The following NR5A2 variants were observed in gnomAD, a reference collection of about 807,000 sequenced individuals.
NR5A2 encodes CYP7A promoter-binding factor.
A neutral mutation model predicts 62.7 loss-of-function variants in NR5A2; 26 were observed. That is an observed-to-expected ratio of 0.41 (90% CI 0.30 to 0.58). The LOEUF (loss-of-function observed/expected upper bound fraction) is 0.58. Ranked by LOEUF, NR5A2 falls within the 20% of genes least tolerant of loss-of-function variation. NR5A2 has a pLI of 0.22. For synonymous variants in NR5A2, 246 were observed against 241.7 expected (o/e 1.02, Z -0.16); for missense variants, 541 against 669.1 (o/e 0.81, Z 2.11).
intron 5 of NR5A2, among the ~76,000 whole-genome samples, chr1:200,060,083 G>T (rs1433669362): frequency 6.6e-6 from 1 of 152,086 alleles, no homozygotes; most frequent in East Asian, 1.9e-4. Context: ...GCCCTGGCTG[G>T]CTTCATGGGG....
Position 200,148,502 on chromosome 1 carries a change from A to G in NR5A2, c.1379-25461A>G, listed in dbSNP as rs3790797. Among the ~76,000 whole-genome samples, 16 of 152,242 alleles carry G rather than the reference A, an allele frequency of 1.1e-4. No individual in the cohort carries two copies. The East Asian group carries it at 2.5e-3, about 24-fold the overall frequency. On this transcript the variant is annotated intron_variant, in intron 7 of 7. Transcript: ENST00000367362. Reference sequence around the variant, plus strand: ...CAGCAACTCGCCCACTCTCCCCCCAATAATCTCACAAACTCAGACTCTAGA... The same window carrying G: ...CAGCAACTCGCCCACTCTCCCCCCAGTAATCTCACAAACTCAGACTCTAGA...
intron 7 of NR5A2, among the ~76,000 whole-genome samples, chr1:200,153,916 A>G (rs1285315369): frequency 6.6e-6 from 1 of 152,198 alleles, no homozygotes. Flanking sequence ...ATCATGTAAG[A>G]TTTGAATTTT....
intron 5 of NR5A2, among the ~76,000 whole-genome samples, chr1:200,075,896 CTTTT>C (rs1553268806): frequency 1.3e-5 from 2 of 149,208 alleles, no homozygotes; most frequent in African/African-American, 4.9e-5. Flanking sequence ...GTTTTCTTTT[CTTTT>C]TTTTTTGTTA....
rs138460724 is a variant in NR5A2, at chr1:200,101,847, A to T, written c.1111-9355A>T. Among the ~76,000 whole-genome samples, 805 of 152,334 alleles carry T rather than the reference A, an allele frequency of 5.3e-3. 8 individuals carry two copies. Among genetic ancestry groups the T allele is most frequent in the Non-Finnish European group, 8.4e-3 (569 of 68,034 alleles). On this transcript the variant is annotated intron_variant, in intron 5 of 7. Transcript: ENST00000367362. ...ACAAGAAGCTTTTTGAAACGTGGTTAAGAGGAAGAATAAAAGCTGGCCAAA... is the reference window on the plus strand; with the variant it reads ...ACAAGAAGCTTTTTGAAACGTGGTTTAGAGGAAGAATAAAAGCTGGCCAAA...
rs77269327 is a variant in NR5A2, at chr1:200,170,988, G to A, written c.1379-2975G>A. ...CAATAATGTGAAGCAAGGAGTTACCGGTGTATTCCCTGGGGATGGCTGAAC... is the reference window on the plus strand; with the variant it reads ...CAATAATGTGAAGCAAGGAGTTACCAGTGTATTCCCTGGGGATGGCTGAAC... On this transcript the variant is annotated intron_variant, in intron 7 of 7. Transcript: ENST00000367362. 1.2e-4 allele frequency among the ~76,000 whole-genome samples: 19 copies of A among 152,226 alleles called. No homozygotes were observed. In the East Asian group the frequency reaches 2.5e-3, roughly 20 times the overall value.
At chr1:200,055,287 C>T (rs1030192851) in intron 5 of NR5A2, among the ~76,000 whole-genome samples, 1 of 152,046 alleles carries the variant, frequency 6.6e-6, no homozygotes, top group East Asian at 1.9e-4. Flanking sequence ...CCTCCACCTC[C>T]CAGGTTCAAG....
intron 1 of NR5A2, chr1:200,038,791 T>G: frequency 1.5e-6 from 2 of 1,314,792 alleles, no homozygotes; most frequent in Non-Finnish European, 2.0e-6. Context: ...CGGCTGCATT[T>G]ACATCCCCCC....
chr1:200,148,057 T>C (rs1667798736), intron 7 of NR5A2: 1 of 297,018 alleles, frequency 3.4e-6, no homozygotes, highest in Non-Finnish European at 6.6e-6. Flanking sequence ...ACGGTCCCCA[T>C]GCAGTCGGGG....
chr1:200,145,648 G>T (rs1667667826), intron 7 of NR5A2, among the ~76,000 whole-genome samples: 1 of 152,098 alleles, frequency 6.6e-6, no homozygotes, highest in Non-Finnish European at 1.5e-5. Flanking sequence ...TTTTTTAAAG[G>T]CAGGGTCTTG....
intron 5 of NR5A2, among the ~76,000 whole-genome samples, chr1:200,074,788 ATTTTTTTTTTTT>A (rs1558122919): frequency 1.3e-4 from 17 of 133,570 alleles, no homozygotes; most frequent in East Asian, 2.3e-4. Context: ...AAACACTTTA[ATTTTTTTTTTTT>A]AAATCACTAT....
At chr1:200,052,759 A>G (rs1221621318) in intron 5 of NR5A2, among the ~76,000 whole-genome samples, 1 of 151,782 alleles carries the variant, frequency 6.6e-6, no homozygotes, top group Non-Finnish European at 1.5e-5. Flanking sequence ...CTCCTGCCTC[A>G]GCCTCCTGAG....
chr1:200,118,018 T>C (rs1240039348), intron 6 of NR5A2, among the ~76,000 whole-genome samples: 1 of 85,996 alleles, frequency 1.2e-5, no homozygotes, highest in African/African-American at 4.1e-5. Flanking sequence ...CTCGCCTTTT[T>C]CTTTTTTTTT....
chr1:200,071,744 T>C (rs1386069498), intron 5 of NR5A2, among the ~76,000 whole-genome samples: 1 of 152,172 alleles, frequency 6.6e-6, no homozygotes, highest in Non-Finnish European at 1.5e-5. Flanking sequence ...GATTTTGAGG[T>C]TGTGATGAAG....
chr1:200,063,499 C>T (rs1328551427), intron 5 of NR5A2, among the ~76,000 whole-genome samples: 1 of 152,146 alleles, frequency 6.6e-6, no homozygotes, highest in Non-Finnish European at 1.5e-5. Context: ...GGTATTCCTG[C>T]TGATGAGTGT....
rs565570353 is a variant in NR5A2, at chr1:200,137,414, C to T, written c.1378+16459C>T. ...CTCCTGACCTGAAGTGATCTGCCCA[C>T]CTTGGCCTCCCAAAGTGCTGGGATT... is the stretch of plus-strand genomic sequence containing the variant. On this transcript the variant is annotated intron_variant, in intron 7 of 7. Coordinates refer to ENST00000367362, the MANE Select transcript of NR5A2 (RefSeq NM_205860.3). Among the ~76,000 whole-genome samples, 8 of 151,786 alleles carry T rather than the reference C, an allele frequency of 5.3e-5. No individual in the cohort carries two copies. In the South Asian group the frequency reaches 1.7e-3, roughly 32 times the overall value.
chr1:200,048,830 G>A lies in NR5A2; in HGVS notation c.1110+12G>A. 6.2e-7 allele frequency: 1 copy of A among 1,611,706 alleles called. No individual in the cohort carries two copies. The highest frequency in any genetic ancestry group is 8.5e-7 in the Non-Finnish European group (1 of 1,177,938). Reference sequence around the variant, plus strand: ...TCAGAGAACTTAAGGTATGCCACCAGCTATTACAACTTACAGCACCCCTTT... The same window carrying A: ...TCAGAGAACTTAAGGTATGCCACCAACTATTACAACTTACAGCACCCCTTT... On this transcript the variant is annotated intron_variant, in intron 5 of 7. Coordinates refer to ENST00000367362, the MANE Select transcript of NR5A2 (RefSeq NM_205860.3). This position sits in a 1 kb window ranked among gnomAD's most constrained non-coding sequence, Gnocchi z 4.8.
intron 5 of NR5A2, among the ~76,000 whole-genome samples, chr1:200,085,863 G>T (rs192893646): frequency 6.6e-6 from 1 of 152,138 alleles, no homozygotes; most frequent in African/African-American, 2.4e-5. Context: ...GCAAAAGACC[G>T]ACACAATTTA....
Position 200,048,217 on chromosome 1 carries a change from C to A in NR5A2, c.509C>A (p.Pro170Gln). The A allele has an allele frequency of 1.2e-6, 2 of 1,613,770 alleles. No homozygotes were observed. The highest frequency in any genetic ancestry group is 1.7e-6 in the Non-Finnish European group (2 of 1,179,886). ...RMRGGRNKFGPMYKRDRALKQ... is the reference protein window; with the variant it reads ...RMRGGRNKFGQMYKRDRALKQ... ...CGTGGAGGAAGGAATAAGTTTGGGC[C>A]AATGTACAAGAGAGACAGGGCCCTG... The change falls in exon 5 of 8, where the codon CCA (proline) becomes CAA (glutamine). Residue 170 changes from proline (P) to glutamine (Q), a missense_variant. Transcript: ENST00000367362. The surrounding 1 kb of genome is among the most constrained non-coding windows in gnomAD (Gnocchi z 4.8).
At chr1:200,091,435 CT>C (rs966564446) in intron 5 of NR5A2, among the ~76,000 whole-genome samples, 2 of 151,138 alleles carry the variant, frequency 1.3e-5, no homozygotes, top group African/African-American at 4.9e-5. Flanking sequence ...GAGCCTGTTT[CT>C]GTACCAGACC....
Sources: allele counts gnomAD v4.1 joint callset (sites outside exome capture counted in the v4.1 genomes callset), GRCh38; gene constraint gnomAD v4.1.1; non-coding constraint Gnocchi (gnomAD v3.1); transcripts MANE v1.5; gene names NCBI Gene and HGNC (gene_info 2026-07-23, HGNC 2026-07-21).